The following GKAP1 variants were observed in gnomAD, a reference collection of about 807,000 sequenced individuals.
GKAP1 encodes G kinase-anchoring protein 1.
GKAP1 carries 31 observed loss-of-function variants against 56.7 expected under a neutral mutation model. The observed-to-expected ratio is 0.55, with a 90% CI of 0.41 to 0.74. The LOEUF is 0.74. GKAP1 is among the 30% of genes least tolerant of loss of function. The pLI, the probability that GKAP1 is intolerant of heterozygous loss-of-function variation, is 0.00. For missense variants in GKAP1, 364 were observed against 402.3 expected, an observed-to-expected ratio of 0.90 and a Z score of 0.82; for synonymous variants, 151 against 138.6, an observed-to-expected ratio of 1.09 and a Z score of -0.63.
intron 4 of GKAP1, among the ~76,000 whole-genome samples, chr9:83,791,365 T>C (rs913622850): frequency 3.3e-5 from 5 of 151,006 alleles, no homozygotes; most frequent in African/African-American, 1.2e-4. Context: ...ATCACGCCAC[T>C]GCACCCTAGC....
In GKAP1 at chr9:83,803,890, C is replaced by T. The variant is rs1464234673; in HGVS notation, c.216+2412G>A. On this transcript the variant is annotated intron_variant, in intron 3 of 12. Transcript: ENST00000376371. ...CGCCCATCGTCTGAGATGTGGGGAGCGCCTCTGCCCCGCCGCCCCGTCTGG... is the reference window on the plus strand; with the variant it reads ...CGCCCATCGTCTGAGATGTGGGGAGTGCCTCTGCCCCGCCGCCCCGTCTGG... 9.5e-3 allele frequency among the ~76,000 whole-genome samples: 1,426 copies of T among 149,772 alleles called. 11 individuals are homozygous for T. The highest frequency in any genetic ancestry group is 0.034 in the African/African-American group (1,376 of 40,494).
intron 8 of GKAP1, among the ~76,000 whole-genome samples, chr9:83,755,859 C>G (rs78277449): frequency 6.1e-4 from 87 of 141,714 alleles, no homozygotes; most frequent in Admixed American, 1.7e-3. Flanking sequence ...GGCTAGAGTA[C>G]GGTGGTGTGA....
chr9:83,762,454 T>C (rs1943589862), intron 8 of GKAP1, among the ~76,000 whole-genome samples: 1 of 152,196 alleles, frequency 6.6e-6, no homozygotes. Flanking sequence ...GAAGAATGAA[T>C]ATTGTTAAAA....
intron 9 of GKAP1, among the ~76,000 whole-genome samples, chr9:83,752,579 G>A (rs1943409140): frequency 6.6e-6 from 1 of 152,164 alleles, no homozygotes; most frequent in South Asian, 2.1e-4. Flanking sequence ...GGAGTTCTTT[G>A]TGGGTTAAGA....
At chr9:83,775,139 G>A (rs1372666788) in intron 7 of GKAP1, among the ~76,000 whole-genome samples, 1 of 152,042 alleles carries the variant, frequency 6.6e-6, no homozygotes, top group Non-Finnish European at 1.5e-5. Flanking sequence ...GAGTAGCTGG[G>A]ACTACAGGTG....
intron 3 of GKAP1, 143 bp downstream of exon 3, chr9:83,806,159 A>T: frequency 1.6e-6 from 1 of 623,466 alleles, no homozygotes; most frequent in Non-Finnish European, 2.8e-6. Context: ...AAATATACAC[A>T]AATTCACATC....
At chr9:83,753,085 A>C (rs1010654925) in intron 9 of GKAP1, among the ~76,000 whole-genome samples, 173 bp downstream of exon 9, 37 of 149,432 alleles carry the variant, frequency 2.5e-4, no homozygotes, top group Middle Eastern at 6.9e-3. Flanking sequence ...CAACAACATA[A>C]ATAAATAAAT....
chr9:83,739,886 T>C, intron 12 of GKAP1, 142 bp from the exon 13 acceptor site: 1 of 601,686 alleles, frequency 1.7e-6, no homozygotes, highest in Non-Finnish European at 2.9e-6. Flanking sequence ...AATTTGAGTC[T>C]ACATACTGTT....
At chr9:83,815,826 A>C (rs1358127924) in intron 2 of GKAP1, among the ~76,000 whole-genome samples, 1 of 152,098 alleles carries the variant, frequency 6.6e-6, no homozygotes, top group East Asian at 1.9e-4. Flanking sequence ...TGAAATAAAA[A>C]ATTGTGTTAT....
Position 83,784,763 on chromosome 9 carries a change from C to A in GKAP1, c.514G>T (p.Gly172Ter). Residue 172 changes from glycine (G) to a stop codon, truncating the protein, a stop_gained, in exon 6 of 13, where the codon GGA becomes TGA. Coordinates refer to ENST00000376371, the MANE Select transcript of GKAP1 (RefSeq NM_025211.4). LOFTEE classifies it high-confidence loss of function. ...NKKDKRKNHQGKDRPLTVSLK... is the reference protein window; with the variant it reads ...NKKDKRKNHQ ...GATACTGTGAGAGGTCTGTCTTTTCCCTGATGATTCTTTCTTTTATCTTTT... is the reference window on the plus strand; with the variant it reads ...GATACTGTGAGAGGTCTGTCTTTTCACTGATGATTCTTTCTTTTATCTTTT... 6.2e-7 allele frequency: 1 copy of A among 1,604,372 alleles called. No homozygotes were observed. Among genetic ancestry groups the A allele is most frequent in the Non-Finnish European group, 8.5e-7 (1 of 1,174,022 alleles).
chr9:83,803,651 T>A (rs1050691111), intron 3 of GKAP1, among the ~76,000 whole-genome samples: 16 of 152,270 alleles, frequency 1.1e-4, no homozygotes, highest in African/African-American at 3.9e-4. Context: ...AGTGCCAAGA[T>A]TGCAGCCTCT....
At chr9:83,777,968 A>G (rs753745917) in intron 7 of GKAP1, among the ~76,000 whole-genome samples, 4 of 152,182 alleles carry the variant, frequency 2.6e-5, no homozygotes, top group Non-Finnish European at 4.4e-5. Flanking sequence ...ATGGAAATGG[A>G]ACATAATTTC....
chr9:83,816,396 G>A (rs1944596357), intron 2 of GKAP1, among the ~76,000 whole-genome samples: 2 of 152,100 alleles, frequency 1.3e-5, no homozygotes, highest in South Asian at 4.1e-4. Flanking sequence ...AATACAAGCA[G>A]GTACTCAGTG....
intron 10 of GKAP1, among the ~76,000 whole-genome samples, chr9:83,746,054 G>A (rs1943288137): frequency 6.6e-6 from 1 of 151,998 alleles, no homozygotes; most frequent in Admixed American, 6.6e-5. Flanking sequence ...GCCTCCCAAA[G>A]TGCTGGGATT....
chr9:83,783,478 A>G (rs900664727), intron 6 of GKAP1, among the ~76,000 whole-genome samples: 1 of 152,258 alleles, frequency 6.6e-6, no homozygotes, highest in African/African-American at 2.4e-5. Flanking sequence ...CATACTGTAC[A>G]GCACAGGCTA....
At chr9:83,782,355 A>ATTTT (rs914777066) in intron 6 of GKAP1, among the ~76,000 whole-genome samples, 1 of 135,820 alleles carries the variant, frequency 7.4e-6, no homozygotes, top group African/African-American at 2.7e-5. Context: ...CTAATCTTGG[A>ATTTT]TTTTTTTTTT....
intron 7 of GKAP1, among the ~76,000 whole-genome samples, chr9:83,771,707 C>A (rs1587709882): frequency 6.6e-6 from 1 of 152,154 alleles, no homozygotes; most frequent in Non-Finnish European, 1.5e-5. Flanking sequence ...AGGCATAACT[C>A]TAAAATTACT....
intron 8 of GKAP1, among the ~76,000 whole-genome samples, chr9:83,755,652 G>T (rs1943462153): frequency 6.7e-6 from 1 of 150,368 alleles, no homozygotes; most frequent in African/African-American, 2.4e-5. Context: ...TTTGATGAAA[G>T]ATCTCAAAAA....
chr9:83,779,440 T>TACAC (rs1417549993), intron 7 of GKAP1, among the ~76,000 whole-genome samples: 4 of 71,206 alleles, frequency 5.6e-5, no homozygotes, highest in African/African-American at 1.5e-4. Flanking sequence ...TATATATATA[T>TACAC]ATATATATAC....
Sources: allele counts gnomAD v4.1 joint callset (sites outside exome capture counted in the v4.1 genomes callset), GRCh38; gene constraint gnomAD v4.1.1; transcripts MANE v1.5; gene names NCBI Gene and HGNC (gene_info 2026-07-23, HGNC 2026-07-21).